The following CNNM2 variants were observed in gnomAD, a reference collection of about 807,000 sequenced individuals.
CNNM2 encodes the protein cyclin and CBS domain divalent metal cation transport mediator 2.
Under a neutral mutation model 66.9 loss-of-function variants are expected in CNNM2, and 12 were observed. The observed-to-expected ratio is 0.18, with a 90% confidence interval of 0.11 to 0.29. CNNM2 has a LOEUF of 0.29. Among genes scored for constraint, CNNM2 ranks in the 10% least tolerant of loss-of-function variants. The pLI is 1.00. For missense variants in CNNM2, 705 were observed against 1,167.7 expected (o/e 0.60, Z 5.77); for synonymous variants, 557 against 501.8 (o/e 1.11, Z -1.47).
Position 103,085,286 on chromosome 10 carries a change from C to T in CNNM2, c.*8106C>T, listed in dbSNP as rs1590525555. ...AGTCATTGACTTGAGGTCAGTGGGT[C>T]CAAAAAGTGACTTGTTTAAAGATAC... On this transcript the variant is annotated 3_prime_UTR_variant, in exon 8 of 8. Coordinates refer to ENST00000369878, the MANE Select transcript of CNNM2 (RefSeq NM_017649.5). The T allele has an allele frequency of 6.6e-6, 1 of 152,072 alleles. No homozygotes were observed. The highest frequency in any genetic ancestry group is 1.9e-4 in the East Asian group (1 of 5,202). 9.4% of individuals were successfully genotyped at this position (152,072 alleles called of 1,614,324 possible).
intron 1 of CNNM2, among the ~76,000 whole-genome samples, chr10:102,958,611 C>A (rs2134200974): frequency 6.6e-6 from 1 of 151,876 alleles, no homozygotes; most frequent in Non-Finnish European, 1.5e-5. Flanking sequence ...GCTGGGATTA[C>A]AGGTGCATGC....
chr10:103,088,841 G>A lies in CNNM2; in HGVS notation c.*11661G>A. 5.1e-6 allele frequency: 1 copy of A among 197,024 alleles called. No homozygotes were observed. Among genetic ancestry groups the A allele is most frequent in the Non-Finnish European group, 1.1e-5 (1 of 94,926 alleles). The allele number at this position is 197,024 out of a possible 1,614,324, so 12.2% of individuals were successfully genotyped here. ...GGACAAAGAAATCTGGAATTGGGTAGCATGAGCCACAGCTATATAGCCCAC... is the reference window on the plus strand; with the variant it reads ...GGACAAAGAAATCTGGAATTGGGTAACATGAGCCACAGCTATATAGCCCAC... On this transcript the variant is annotated 3_prime_UTR_variant, in exon 8 of 8. Coordinates refer to ENST00000369878, the MANE Select transcript of CNNM2 (RefSeq NM_017649.5).
chr10:103,062,829 G>A (rs1445510519), intron 4 of CNNM2, among the ~76,000 whole-genome samples: 1 of 152,212 alleles, frequency 6.6e-6, no homozygotes, highest in Non-Finnish European at 1.5e-5. Context: ...TTACTTCCCT[G>A]TTAAATCCCA....
At chr10:103,047,035 T>C (rs1042884823) in intron 1 of CNNM2, among the ~76,000 whole-genome samples, 1 of 152,174 alleles carries the variant, frequency 6.6e-6, no homozygotes, top group Admixed American at 6.5e-5. Context: ...TTCTAAATAA[T>C]ACATGTAGAT....
chr10:102,993,620 C>G (rs539419168), intron 1 of CNNM2, among the ~76,000 whole-genome samples: 10 of 152,148 alleles, frequency 6.6e-5, no homozygotes, highest in Admixed American at 2.0e-4. Flanking sequence ...TGTTGTTTCT[C>G]TCTCCCAAGA....
intron 1 of CNNM2, among the ~76,000 whole-genome samples, chr10:102,921,903 C>T (rs925292291): frequency 1.3e-5 from 2 of 152,136 alleles, no homozygotes; most frequent in African/African-American, 4.8e-5. Context: ...CTCACAGCTC[C>T]TTAATGCCGC....
intron 1 of CNNM2, among the ~76,000 whole-genome samples, chr10:102,931,735 T>C (rs12254271): frequency 6.6e-6 from 1 of 152,144 alleles, no homozygotes; most frequent in Admixed American, 6.5e-5. Context: ...CTATTAACTT[T>C]TTGAGAAACT....
chr10:103,052,290 A>C (rs1368145410), intron 2 of CNNM2, among the ~76,000 whole-genome samples: 8 of 149,312 alleles, frequency 5.4e-5, no homozygotes, highest in Non-Finnish European at 8.9e-5. Context: ...AAAAAAAAAA[A>C]CAAAAAAAAA....
At chr10:102,966,590 G>A (rs1257482123) in intron 1 of CNNM2, among the ~76,000 whole-genome samples, 1 of 152,214 alleles carries the variant, frequency 6.6e-6, no homozygotes, top group East Asian at 1.9e-4. Flanking sequence ...TCGCACCATT[G>A]CACTCCAGCC....
chr10:102,980,625 T>TTTCAGC (rs2063705509), intron 1 of CNNM2, among the ~76,000 whole-genome samples: 1 of 152,162 alleles, frequency 6.6e-6, no homozygotes, highest in African/African-American at 2.4e-5. Context: ...TTTCCTTTTC[T>TTTCAGC]GTATTTCCCC....
At chr10:102,961,258 A>C (rs2063374809) in intron 1 of CNNM2, among the ~76,000 whole-genome samples, 1 of 152,178 alleles carries the variant, frequency 6.6e-6, no homozygotes, top group Non-Finnish European at 1.5e-5. Flanking sequence ...CCATCAAATA[A>C]TGTAACCTAA....
chr10:103,076,350 GC>G, intron 7 of CNNM2, 80 bp downstream of exon 7: 1 of 1,390,248 alleles, frequency 7.2e-7, no homozygotes, highest in Non-Finnish European at 9.9e-7. Context: ...TTTGCTCCTT[GC>G]CCTCCTCAGA....
chr10:103,042,908 T>C (rs1012094621), intron 1 of CNNM2, among the ~76,000 whole-genome samples: 24 of 152,218 alleles, frequency 1.6e-4, no homozygotes, highest in African/African-American at 5.8e-4. Context: ...TTGCTTCTTT[T>C]ATCACTAGTT....
chr10:103,053,668 C>T (rs1189839639), intron 2 of CNNM2, among the ~76,000 whole-genome samples: 5 of 152,144 alleles, frequency 3.3e-5, no homozygotes, highest in Non-Finnish European at 7.4e-5. Context: ...CTATGTAGAC[C>T]CACATAGCCT....
At chr10:103,056,310 C>G (rs1169208037) in intron 3 of CNNM2, among the ~76,000 whole-genome samples, 2 of 151,848 alleles carry the variant, frequency 1.3e-5, no homozygotes, top group East Asian at 1.9e-4. Flanking sequence ...GCTCTTATTT[C>G]CAGTCTCGAC....
At chr10:103,037,840 TTTTG>T (rs2064969806) in intron 1 of CNNM2, among the ~76,000 whole-genome samples, 1 of 152,032 alleles carries the variant, frequency 6.6e-6, no homozygotes, top group Non-Finnish European at 1.5e-5. Flanking sequence ...GCTTTTTTGT[TTTTG>T]TTTTTGTTTT....
At chr10:102,995,986 C>T (rs1374709736) in intron 1 of CNNM2, among the ~76,000 whole-genome samples, 3 of 152,182 alleles carry the variant, frequency 2.0e-5, no homozygotes, top group Non-Finnish European at 4.4e-5. Flanking sequence ...AGGCATGAGC[C>T]ACCGTGCCTG....
At chr10:102,962,758 A>T (rs184986937) in intron 1 of CNNM2, among the ~76,000 whole-genome samples, 35 of 151,280 alleles carry the variant, frequency 2.3e-4, no homozygotes, top group Non-Finnish European at 4.3e-4. Context: ...TTTACCATCA[A>T]TATCTTTGCA....
At chr10:103,032,825 T>C (rs774794449) in intron 1 of CNNM2, among the ~76,000 whole-genome samples, 6 of 151,892 alleles carry the variant, frequency 4.0e-5, no homozygotes, top group Non-Finnish European at 7.4e-5. Flanking sequence ...CTTATAGAAA[T>C]ATAAAAACTT....
Sources: allele counts gnomAD v4.1 joint callset (sites outside exome capture counted in the v4.1 genomes callset), GRCh38; gene constraint gnomAD v4.1.1; transcripts MANE v1.5; gene names NCBI Gene and HGNC (gene_info 2026-07-23, HGNC 2026-07-21).